Variants in TMEM185A observed in about 807,000 individuals in gnomAD.
TMEM185A encodes the protein transmembrane protein 185A, also known as family with sequence similarity 11, member A.
A neutral mutation model predicts 25.0 loss-of-function variants in TMEM185A; 9 were observed. The observed-to-expected ratio is 0.36, with a 90% CI of 0.22 to 0.63. The LOEUF (loss-of-function observed/expected upper bound fraction) is 0.63. TMEM185A is among the 20% of genes least tolerant of loss of function. The pLI is 0.68. For synonymous variants in TMEM185A, 45 were observed against 93.5 expected (o/e 0.48, Z 2.99); for missense variants, 103 against 237.4 (o/e 0.43, Z 3.72).
rs781989647 is a variant in TMEM185A at position 149,609,164 on chromosome X, TCAA to T, written c.216-333_216-331del. ...AACACTTCTGTTCACATCTTTAAAT[TCAA>T]CAACAAGAGTTACTTCCAAGATTAT... On this transcript the variant is annotated intron_variant, in intron 2 of 6. Coordinates refer to ENST00000600449, the MANE Select transcript of TMEM185A (RefSeq NM_032508.4). Among the ~76,000 whole-genome samples the T allele has an allele frequency of 3.4e-4, 38 of 112,720 alleles. No homozygotes were observed. In the East Asian group the frequency reaches 5.5e-3, roughly 16 times the overall value.
At chrX:149,614,660 G>A (rs2090101733) in intron 1 of TMEM185A, among the ~76,000 whole-genome samples, 1 of 111,745 alleles carries the variant, frequency 8.9e-6, no homozygotes, top group African/African-American at 3.2e-5. Context: ...CAGTTTCTTT[G>A]AGAAAGTAAG....
Position 149,599,632 on chromosome X carries a change from T to C in TMEM185A, c.730A>G (p.Ile244Val). 1 of 1,209,872 alleles carries C rather than the reference T, an allele frequency of 8.3e-7. No homozygotes were observed. Among genetic ancestry groups the C allele is most frequent in the Admixed American group, 2.2e-5 (1 of 46,059 alleles). ...KLDGHNAFSC[I>V]PIFVPLWLSL... is the part of the protein sequence containing the mutation. ...AGCCAAAGGGGGACAAAGATCGGGA[T>C]GCAGGAGAAGGCGTTGTGGCCATCC... Residue 244 changes from isoleucine (I) to valine (V), a missense_variant, in exon 6 of 7, where the codon ATC becomes GTC. By Grantham distance (29) the Ile-to-Val change is conservative. This residue lies in a region of TMEM185A where 1 missense variants were observed against 111.7 expected (regional missense o/e 0.01). Coordinates refer to ENST00000600449, the MANE Select transcript of TMEM185A (RefSeq NM_032508.4).
intron 1 of TMEM185A, 21 bp downstream of exon 1, chrX:149,631,522 G>A (rs930598414): frequency 6.0e-6 from 7 of 1,160,209 alleles, no homozygotes; most frequent in Non-Finnish European, 8.1e-6. Flanking sequence ...ACTCCCGGGG[G>A]CGCCAACGAC....
chrX:149,604,054 G>T lies in TMEM185A; in HGVS notation c.440C>A (p.Ser147Tyr). The T allele has an allele frequency of 8.3e-7, 1 of 1,198,542 alleles. No homozygotes were observed. Among genetic ancestry groups the T allele is most frequent in the Non-Finnish European group, 1.1e-6 (1 of 885,383 alleles). The stretch of plus-strand genomic sequence containing the variant: ...GAATATAAACTGGAGAATGTTGACA[G>T]AACACAGGATTTCTAACTAAAAATG... ...DRSLELEILC[S>Y]VNILQFIFIA... The change falls in exon 4 of 7, where the codon TCT becomes TAT. Residue 147 changes from serine to tyrosine, a missense_variant. Around this residue, in one of 2 missense-constraint regions of TMEM185A, gnomAD observed 102 missense variants for 125.7 expected, o/e 0.81. Coordinates refer to ENST00000600449, the MANE Select transcript of TMEM185A (RefSeq NM_032508.4).
intron 4 of TMEM185A, among the ~76,000 whole-genome samples, chrX:149,603,087 C>T (rs1022602470): frequency 8.9e-6 from 1 of 111,893 alleles, no homozygotes; most frequent in African/African-American, 3.2e-5. Flanking sequence ...ACTCTTCTGC[C>T]TTTAGTCTCC....
chrX:149,606,742 C>T lies in TMEM185A; in HGVS notation c.423+1885G>A, dbSNP rs192403217. The T allele has an allele frequency of 2.7e-5, 3 of 112,826 alleles. No homozygotes were observed. In the East Asian group the frequency reaches 8.3e-4, roughly 31 times the overall value. 9.3% of individuals were successfully genotyped at this position (112,826 alleles called of 1,213,427 possible). On this transcript the variant is annotated intron_variant, in intron 3 of 6. Transcript: ENST00000600449. ...GACCACCCCCTCACCAACATAGGTA[C>T]TGTTCTTGCATCACAGGAGGAGGGA...
intron 1 of TMEM185A, among the ~76,000 whole-genome samples, chrX:149,613,397 C>T (rs782517506): frequency 3.6e-5 from 4 of 111,988 alleles, no homozygotes; most frequent in African/African-American, 1.3e-4. Context: ...AGGTAAGGAA[C>T]CATGAGCCAA....
intron 1 of TMEM185A, among the ~76,000 whole-genome samples, chrX:149,620,841 T>G (rs1557355467): frequency 8.9e-6 from 1 of 112,032 alleles, no homozygotes; most frequent in African/African-American, 3.2e-5. Flanking sequence ...GAAACCAAGA[T>G]AAAAATGACT....
chrX:149,610,109 T>C (rs2090074094), intron 2 of TMEM185A, among the ~76,000 whole-genome samples: 1 of 111,339 alleles, frequency 9.0e-6, no homozygotes, highest in Non-Finnish European at 1.9e-5. Flanking sequence ...CTGAATCATT[T>C]TCATATTTAG....
intron 1 of TMEM185A, among the ~76,000 whole-genome samples, chrX:149,624,554 T>C (rs1218837531): frequency 9.0e-6 from 1 of 111,407 alleles, no homozygotes; most frequent in Non-Finnish European, 1.9e-5. Flanking sequence ...TGCATGCACG[T>C]ACACACGCAC....
Position 149,631,616 on chromosome X carries a change from C to T in TMEM185A, c.-36G>A, listed in dbSNP as rs2090193508. The T allele has an allele frequency of 1.8e-6, 2 of 1,135,605 alleles. No individual in the cohort carries two copies. Among genetic ancestry groups the T allele is most frequent in the Non-Finnish European group, 2.3e-6 (2 of 851,316 alleles). The allele number at this position is 1,135,605 out of a possible 1,213,427, so 93.6% of individuals were successfully genotyped here. ...TTCACCGCGGCGTCCTCCTCCTCCT[C>T]CCCCGCACCCCGTGCTGCACAGCCT... On this transcript the variant is annotated 5_prime_UTR_variant, in exon 1 of 7. Transcript: ENST00000600449.
At position 149,609,879 on chromosome X, in the gene TMEM185A, G is replaced by A. The variant is rs782296617; in HGVS notation, c.216-1045C>T. On this transcript the variant is annotated intron_variant, in intron 2 of 6. Coordinates refer to ENST00000600449, the MANE Select transcript of TMEM185A (RefSeq NM_032508.4). ...AAATATCAATTAGTAGAACCTAAAT[G>A]TTTATTTAACTTTGCATTCTTTGAG... Among the ~76,000 whole-genome samples the A allele has an allele frequency of 7.1e-5, 8 of 111,937 alleles. No individual in the cohort carries two copies. The East Asian group carries it at 1.7e-3, about 23-fold the overall frequency.
At chrX:149,630,913 C>A (rs1181718548) in intron 1 of TMEM185A, among the ~76,000 whole-genome samples, 4 of 111,624 alleles carry the variant, frequency 3.6e-5, no homozygotes, top group African/African-American at 1.3e-4. Flanking sequence ...TATCTACTTC[C>A]TGCAAATAAA....
At chrX:149,617,189 T>C (rs1455689910) in intron 1 of TMEM185A, among the ~76,000 whole-genome samples, 1 of 110,533 alleles carries the variant, frequency 9.0e-6, no homozygotes, top group African/African-American at 3.3e-5. Context: ...GAAAAAAAAA[T>C]ACTTGCAACC....
intron 1 of TMEM185A, among the ~76,000 whole-genome samples, chrX:149,619,198 G>C (rs782545010): frequency 1.8e-5 from 2 of 111,478 alleles, no homozygotes; most frequent in South Asian, 7.5e-4. Context: ...GGAAAATATT[G>C]GTTTACTGAG....
chrX:149,612,697 T>C (rs1425806555), intron 1 of TMEM185A, among the ~76,000 whole-genome samples: 31 of 112,072 alleles, frequency 2.8e-4, no homozygotes, highest in Non-Finnish European at 1.9e-4. Flanking sequence ...CTCACAAGGC[T>C]GAAATAAAGA....
intron 1 of TMEM185A, among the ~76,000 whole-genome samples, chrX:149,615,632 A>C (rs1282218005): frequency 8.9e-6 from 1 of 112,010 alleles, no homozygotes; most frequent in Non-Finnish European, 1.9e-5. Context: ...AATTTACAAA[A>C]ATTATTGCAT....
intron 1 of TMEM185A, among the ~76,000 whole-genome samples, chrX:149,617,226 G>A (rs782530043): frequency 3.0e-4 from 33 of 111,620 alleles, no homozygotes; most frequent in Non-Finnish European, 5.1e-4. Flanking sequence ...TTTCTTAGAT[G>A]GGATATGAAA....
At chrX:149,610,538 T>C (rs1557354365) in intron 2 of TMEM185A, among the ~76,000 whole-genome samples, 2 of 107,898 alleles carry the variant, frequency 1.9e-5, no homozygotes, top group African/African-American at 6.7e-5. Flanking sequence ...ATTTTCCCAG[T>C]GGAGGTTCAT....
Sources: gnomAD v4.1 joint callset for allele counts (sites outside exome capture counted in the v4.1 genomes callset) on GRCh38, gnomAD v4.1.1 for gene constraint, gnomAD v4.1.1 regional missense constraint, MANE v1.5 for transcripts, NCBI Gene and HGNC (gene_info 2026-07-23, HGNC 2026-07-21) for gene names.